The following DNAH2 variants were observed in gnomAD, a reference collection of about 807,000 sequenced individuals.
DNAH2 encodes the protein dynein axonemal heavy chain 2.
In DNAH2, 323 loss-of-function variants were observed where a neutral mutation model predicts 523.5. That is an observed-to-expected ratio of 0.62 (90% CI 0.56 to 0.68). The LOEUF is 0.68. DNAH2 is among the 30% of genes least tolerant of loss of function. The pLI is 0.00. For synonymous variants in DNAH2, 2,093 were observed against 2,177.4 expected (o/e 0.96, Z 1.08); for missense variants, 4,907 against 5,701.5 (o/e 0.86, Z 4.49).
intron 12 of DNAH2, among the ~76,000 whole-genome samples, chr17:7,749,622 T>A (rs532215640): frequency 4.5e-4 from 69 of 152,310 alleles, no homozygotes; most frequent in Non-Finnish European, 1.2e-4. Context: ...ATTAGGATTG[T>A]TCACTGCTGA....
chr17:7,730,979 G>A (rs1339704887), intron 4 of DNAH2, among the ~76,000 whole-genome samples: 1 of 151,588 alleles, frequency 6.6e-6, no homozygotes, highest in African/African-American at 2.4e-5. Context: ...TTAGCTGGGC[G>A]TGGCGGTGTG....
intron 28 of DNAH2, among the ~76,000 whole-genome samples, chr17:7,773,514 C>T (rs576146973): frequency 3.9e-5 from 6 of 152,258 alleles, no homozygotes; most frequent in Non-Finnish European, 7.3e-5. Flanking sequence ...CAGTAGATGC[C>T]TGACACCTCA....
chr17:7,805,457 G>A, intron 61 of DNAH2, 64 bp downstream of exon 61: 4 of 1,604,032 alleles, frequency 2.5e-6, no homozygotes, highest in Non-Finnish European at 3.4e-6. Context: ...CGTCGGCTGT[G>A]CAGCAGACAC....
In DNAH2 at chr17:7,831,357, G is replaced by A; in HGVS notation, c.12460-33G>A. 1 of 1,614,034 alleles carries A rather than the reference G, an allele frequency of 6.2e-7. No individual in the cohort carries two copies. Among genetic ancestry groups the A allele is most frequent in the Non-Finnish European group, 8.5e-7 (1 of 1,179,982 alleles). ...TGGGGGAGGGAAAGTGATGAGAAGA[G>A]GGGGCTACACTCAAGAGCTCCTGCC... On this transcript the variant is annotated intron_variant, in intron 80 of 85. Transcript: ENST00000572933. This position sits in a 1 kb window ranked among gnomAD's most constrained non-coding sequence, Gnocchi z 4.2.
chr17:7,746,991 A>AT (rs980371896), intron 12 of DNAH2, among the ~76,000 whole-genome samples: 8 of 149,608 alleles, frequency 5.3e-5, no homozygotes, highest in African/African-American at 2.0e-4. Context: ...TTATCTCAAA[A>AT]TTAAAAAAAA....
At chr17:7,779,050 C>A (rs1473616858) in intron 35 of DNAH2, among the ~76,000 whole-genome samples, 193 bp from the exon 36 acceptor site, 2 of 152,224 alleles carry the variant, frequency 1.3e-5, no homozygotes, top group Non-Finnish European at 2.9e-5. Flanking sequence ...TCTAGCATCA[C>A]CCCAGATTGG....
intron 63 of DNAH2, among the ~76,000 whole-genome samples, chr17:7,816,370 C>T (rs776213511): frequency 6.6e-6 from 1 of 152,166 alleles, no homozygotes; most frequent in Non-Finnish European, 1.5e-5. Context: ...TTCACCTCAT[C>T]TCACGTATTT....
intron 44 of DNAH2, among the ~76,000 whole-genome samples, chr17:7,791,466 C>T (rs975567350): frequency 2.6e-5 from 4 of 152,190 alleles, no homozygotes; most frequent in Admixed American, 6.5e-5. Context: ...TATTACTACA[C>T]GTAGATTCAT....
chr17:7,779,104 C>T, intron 35 of DNAH2, 139 bp from the exon 36 acceptor site: 2 of 906,672 alleles, frequency 2.2e-6, no homozygotes, highest in Non-Finnish European at 1.7e-6. Flanking sequence ...CAACAGTGTA[C>T]TCTGGTGCCC....
rs747624330 is a variant in DNAH2 at position 7,779,238 on chromosome 17, C to T, written c.5542-5C>T. 8 of 1,613,748 alleles carry T rather than the reference C, an allele frequency of 5.0e-6. No homozygotes were observed. Among genetic ancestry groups the T allele is most frequent in the East Asian group, 2.2e-5 (1 of 44,886 alleles). On this transcript the variant is annotated splice_polypyrimidine_tract_variant and splice_region_variant and intron_variant, in intron 35 of 85. Transcript: ENST00000572933. ...CTCCCAGTGACTCTGCCTTGCACCC[C>T]GCAGACTGGAGCTTGGGGCTGCTTT...
chr17:7,797,311 C>T (rs748078204), intron 51 of DNAH2, 50 bp downstream of exon 51: 3 of 1,613,290 alleles, frequency 1.9e-6, no homozygotes, highest in South Asian at 1.1e-5. Context: ...GCCTTGCTCC[C>T]ACCCCTACTT....
intron 12 of DNAH2, among the ~76,000 whole-genome samples, chr17:7,751,096 T>C (rs1214292839): frequency 6.6e-6 from 1 of 152,176 alleles, no homozygotes; most frequent in Non-Finnish European, 1.5e-5. Flanking sequence ...TTAAAAGCCC[T>C]GCAGATTAAA....
intron 49 of DNAH2, 79 bp from the exon 50 acceptor site, chr17:7,796,385 A>G: frequency 6.6e-7 from 1 of 1,514,832 alleles, no homozygotes; most frequent in Non-Finnish European, 8.9e-7. Context: ...AATTGTGCCC[A>G]TGAGCCAAGC....
At position 7,798,998 on chromosome 17, in the gene DNAH2, C is replaced by A; in HGVS notation, c.8560-105C>A. 1 of 1,472,088 alleles carries A rather than the reference C, an allele frequency of 6.8e-7. No homozygotes were observed. Among genetic ancestry groups the A allele is most frequent in the Non-Finnish European group, 9.1e-7 (1 of 1,093,838 alleles). The allele number at this position is 1,472,088 out of a possible 1,614,324, so 91.2% of individuals were successfully genotyped here. A position where few individuals can be genotyped will look rare whatever the true frequency, so the allele number is the denominator to read the frequency against. On this transcript the variant is annotated intron_variant, in intron 55 of 85. Coordinates refer to ENST00000572933, the MANE Select transcript of DNAH2 (RefSeq NM_020877.5). The surrounding 1 kb of genome is among the most constrained non-coding windows in gnomAD (Gnocchi z 5.5). ...GGAGGATGGTTTGAGGCCAGGAGTT[C>A]AAGTCCAGCCTGGGAAACACTTCGT...
rs748689963 is a variant in DNAH2 at position 7,780,171 on chromosome 17, A to T, written c.5737A>T (p.Thr1913Ser). Residue 1913 changes from threonine to serine, a missense_variant, in exon 37 of 86, where the codon ACA becomes TCA. Thr to Ser is a moderately conservative substitution (Grantham distance 58). This residue lies in a region of DNAH2 where 2,806 missense variants were observed against 3,190.8 expected (regional missense o/e 0.88). Coordinates refer to ENST00000572933, the MANE Select transcript of DNAH2 (RefSeq NM_020877.5). This position sits in a 1 kb window ranked among gnomAD's most constrained non-coding sequence, Gnocchi z 4.4. ...ITMNPGYAGR[T>S]ELPENLKSMF... ...TTGTTTTCCAGGCTATGCTGGCCGC[A>T]CAGAGCTTCCCGAAAATCTTAAATC... 1.2e-6 allele frequency: 2 copies of T among 1,613,678 alleles called. No individual in the cohort carries two copies. Among genetic ancestry groups the T allele is most frequent in the Non-Finnish European group, 1.7e-6 (2 of 1,179,854 alleles).
Position 7,778,608 on chromosome 17 carries a change from T to TTA in DNAH2, c.5541+141_5541+142dup, listed in dbSNP as rs1000704267. The TTA allele has an allele frequency of 8.8e-6, 8 of 910,668 alleles. No individual in the cohort carries two copies. In the African/African-American group the frequency reaches 1.4e-4, roughly 15 times the overall value. 56.4% of individuals were successfully genotyped at this position (910,668 alleles called of 1,614,324 possible). On this transcript the variant is annotated intron_variant, in intron 35 of 85. Coordinates refer to ENST00000572933, the MANE Select transcript of DNAH2 (RefSeq NM_020877.5). The stretch of plus-strand genomic sequence containing the variant: ...ATGTAATTCTTATTTATTTATTTAT[T>TTA]TATTTTTTGGAGTGCAGTGGCATGA...
At position 7,798,577 on chromosome 17, in the gene DNAH2, C is replaced by A. The variant is rs1472318369; in HGVS notation, c.8418C>A (p.Arg2806=). 17 of 1,614,088 alleles carry A rather than the reference C, an allele frequency of 1.1e-5. 1 individual carries two copies. The highest frequency in any genetic ancestry group is 1.4e-5 in the Non-Finnish European group (17 of 1,180,030). The change falls in exon 55 of 86, where the codon CGC becomes CGA. Residue 2806 remains arginine, a synonymous_variant. Coordinates refer to ENST00000572933, the MANE Select transcript of DNAH2 (RefSeq NM_020877.5). The surrounding 1 kb of genome is among the most constrained non-coding windows in gnomAD (Gnocchi z 5.5). The part of the protein sequence containing the change: ...EFRDDIKRLY[R]QAGVELKTTS... ...GGCCAGATATCAAGCGTCTGTATCGCCAGGCTGGGGTGGAGCTCAAGACCA... is the reference window on the plus strand; with the variant it reads ...GGCCAGATATCAAGCGTCTGTATCGACAGGCTGGGGTGGAGCTCAAGACCA...
chr17:7,793,457 T>TTCTTTC (rs1567709063), intron 48 of DNAH2, among the ~76,000 whole-genome samples: 8 of 110,386 alleles, frequency 7.2e-5, no homozygotes, highest in Non-Finnish European at 1.6e-4. Context: ...TTTTCTTTCT[T>TTCTTTC]TCTTTCTTTC....
At chr17:7,775,895 G>C in intron 30 of DNAH2, 129 bp from the exon 31 acceptor site, 1 of 1,254,146 alleles carries the variant, frequency 8.0e-7, no homozygotes, top group Non-Finnish European at 1.1e-6. Context: ...ACGCAAGCCA[G>C]CTGTTGGCCA....
Sources: allele counts gnomAD v4.1 joint callset (sites outside exome capture counted in the v4.1 genomes callset), GRCh38; gene constraint gnomAD v4.1.1; regional missense constraint gnomAD v4.1.1; non-coding constraint Gnocchi (gnomAD v3.1); transcripts MANE v1.5; gene names NCBI Gene and HGNC (gene_info 2026-07-23, HGNC 2026-07-21).